ZFAND3: variants seen among roughly 807,000 people sequenced by gnomAD.
ZFAND3 encodes zinc finger AN1-type containing 3.
Under a neutral mutation model 29.6 loss-of-function variants are expected in ZFAND3, and 10 were observed. The ratio of observed to expected loss-of-function variants is 0.34; its 90% CI spans 0.21 to 0.57. The LOEUF (loss-of-function observed/expected upper bound fraction) is 0.57. ZFAND3 is among the 20% of genes least tolerant of loss of function. The pLI, the probability that ZFAND3 is intolerant of heterozygous loss-of-function variation, is 0.86. For missense variants in ZFAND3, 230 were observed against 304.5 expected (o/e 0.76, Z 1.82); for synonymous variants, 128 against 112.6 (o/e 1.14, Z -0.87).
At chr6:38,005,537 A>G (rs948988000) in intron 2 of ZFAND3, among the ~76,000 whole-genome samples, 10 of 152,200 alleles carry the variant, frequency 6.6e-5, no homozygotes, top group African/African-American at 2.4e-4. Flanking sequence ...AGTAGGATTG[A>G]CAAGCCTTTA....
chr6:38,021,880 A>T (rs1184731004), intron 2 of ZFAND3, among the ~76,000 whole-genome samples: 1 of 152,220 alleles, frequency 6.6e-6, no homozygotes, highest in Non-Finnish European at 1.5e-5. Flanking sequence ...GTGTGAAAAT[A>T]GTGCCCTGAC....
intron 1 of ZFAND3, among the ~76,000 whole-genome samples, chr6:37,845,558 A>G (rs1392033899): frequency 6.6e-6 from 1 of 152,188 alleles, no homozygotes; most frequent in Non-Finnish European, 1.5e-5. Flanking sequence ...ATCTTCCAAG[A>G]ACTAACTTGT....
At chr6:38,114,024 G>C (rs1305101724) in intron 4 of ZFAND3, among the ~76,000 whole-genome samples, 2 of 152,228 alleles carry the variant, frequency 1.3e-5, no homozygotes, top group Admixed American at 1.3e-4. Flanking sequence ...TGCTGGCATT[G>C]TGCCAAGGCC....
At chr6:38,079,242 T>A (rs1313534585) in intron 3 of ZFAND3, among the ~76,000 whole-genome samples, 1 of 152,184 alleles carries the variant, frequency 6.6e-6, no homozygotes, top group Non-Finnish European at 1.5e-5. Context: ...TTATCAAAGC[T>A]GGGATATATT....
chr6:38,087,465 A>G (rs1764778781), intron 4 of ZFAND3, among the ~76,000 whole-genome samples: 1 of 152,190 alleles, frequency 6.6e-6, no homozygotes, highest in Non-Finnish European at 1.5e-5. Flanking sequence ...TAACCAGAAT[A>G]TTTAAGGAGC....
chr6:38,050,061 T>C (rs2127459720), intron 2 of ZFAND3, among the ~76,000 whole-genome samples: 1 of 149,360 alleles, frequency 6.7e-6, no homozygotes, highest in East Asian at 2.0e-4. Flanking sequence ...TTCAAGCAAT[T>C]ATCATGCGTC....
Position 37,875,649 on chromosome 6 carries a change from T to A in ZFAND3, c.72-54310T>A, listed in dbSNP as rs201483557. 3.2e-3 allele frequency among the ~76,000 whole-genome samples: 472 copies of A among 145,336 alleles called. 5 individuals are homozygous for A. Among genetic ancestry groups the A allele is most frequent in the African/African-American group, 0.01 (400 of 38,126 alleles). ...TAATTTCTGTATTTTTTTTTTTTTTTAAATAGAGATGAAGTCTCATTGTGT... is the reference window on the plus strand; with the variant it reads ...TAATTTCTGTATTTTTTTTTTTTTTAAAATAGAGATGAAGTCTCATTGTGT... On this transcript the variant is annotated intron_variant, in intron 1 of 5. Coordinates refer to ENST00000287218, the MANE Select transcript of ZFAND3 (RefSeq NM_021943.3).
intron 2 of ZFAND3, among the ~76,000 whole-genome samples, chr6:37,996,963 C>A (rs1762859518): frequency 6.6e-6 from 1 of 152,144 alleles, no homozygotes; most frequent in African/African-American, 2.4e-5. Flanking sequence ...TTCTGCATAG[C>A]ATATTTTTCT....
chr6:37,828,170 G>A (rs12661378), intron 1 of ZFAND3, among the ~76,000 whole-genome samples: 33,216 of 152,170 alleles, frequency 0.22, 4,521 homozygotes, highest in African/African-American at 0.38. Flanking sequence ...CATTCTGACC[G>A]TTCAAGAATA....
At chr6:37,994,462 T>C (rs956027501) in intron 2 of ZFAND3, among the ~76,000 whole-genome samples, 1 of 152,188 alleles carries the variant, frequency 6.6e-6, no homozygotes, top group African/African-American at 2.4e-5. Flanking sequence ...AGACATTACT[T>C]TTCTCTCAGA....
intron 1 of ZFAND3, among the ~76,000 whole-genome samples, chr6:37,847,480 A>G (rs537440705): frequency 2.6e-4 from 39 of 152,292 alleles, no homozygotes; most frequent in Admixed American, 1.8e-3. Flanking sequence ...AGGCTGAGAC[A>G]TGAGAATCGC....
At chr6:37,908,755 AAAAAAG>A (rs1272375076) in intron 1 of ZFAND3, among the ~76,000 whole-genome samples, 5 of 150,738 alleles carry the variant, frequency 3.3e-5, no homozygotes, top group African/African-American at 9.7e-5. Context: ...AAAAAAAAAA[AAAAAAG>A]AAAAGTTTGA....
chr6:38,118,704 C>T (rs1185568827), intron 5 of ZFAND3, among the ~76,000 whole-genome samples: 3 of 149,160 alleles, frequency 2.0e-5, no homozygotes, highest in African/African-American at 7.4e-5. Flanking sequence ...CTAGTTTACC[C>T]TTCAGCTTTG....
chr6:37,942,669 A>G (rs982223404), intron 2 of ZFAND3, among the ~76,000 whole-genome samples: 4 of 152,186 alleles, frequency 2.6e-5, no homozygotes, highest in African/African-American at 4.8e-5. Flanking sequence ...TGAGCCATCA[A>G]TGACTTAAGG....
At chr6:37,898,793 A>G (rs1244722910) in intron 1 of ZFAND3, among the ~76,000 whole-genome samples, 3 of 152,232 alleles carry the variant, frequency 2.0e-5, no homozygotes, top group Non-Finnish European at 4.4e-5. Context: ...GACCTTATTC[A>G]GTGACCTTGC....
At chr6:38,067,479 C>T (rs1021545945) in intron 3 of ZFAND3, among the ~76,000 whole-genome samples, 3 of 152,360 alleles carry the variant, frequency 2.0e-5, no homozygotes, top group South Asian at 2.1e-4. Context: ...CTGCCATTCT[C>T]TATCATGATT....
Position 38,010,290 on chromosome 6 carries a change from G to T in ZFAND3, c.113-51303G>T, listed in dbSNP as rs80306262. Among the ~76,000 whole-genome samples the T allele has an allele frequency of 0.014, 2,162 of 152,238 alleles. 252 individuals carry two copies. In the East Asian group the frequency reaches 0.28, roughly 20 times the overall value. On this transcript the variant is annotated intron_variant, in intron 2 of 5. Coordinates refer to ENST00000287218, the MANE Select transcript of ZFAND3 (RefSeq NM_021943.3). ...GGAAGAGTACGCAGAAAAAAAACAG[G>T]TGTGCATGGGGAGAAGGTGTGAACC...
At position 38,139,669 on chromosome 6, in the gene ZFAND3, G is replaced by A. The variant is rs187563556; in HGVS notation, c.530-12566G>A. On this transcript the variant is annotated intron_variant, in intron 5 of 5. Transcript: ENST00000287218. ...ATTTTTATTGTAATCAGTGGAGCAC[G>A]GTAATCACAGACAGGGCTGGATCTC... Among the ~76,000 whole-genome samples the A allele has an allele frequency of 9.9e-5, 15 of 152,276 alleles. No individual in the cohort carries two copies. In the East Asian group the frequency reaches 2.5e-3, roughly 25 times the overall value.
At chr6:37,865,840 G>A (rs536366069) in intron 1 of ZFAND3, among the ~76,000 whole-genome samples, 4 of 152,108 alleles carry the variant, frequency 2.6e-5, no homozygotes, top group Non-Finnish European at 4.4e-5. Flanking sequence ...CAAGTCGAAC[G>A]GTAGGTGCAA....
Sources: allele counts gnomAD v4.1 joint callset (sites outside exome capture counted in the v4.1 genomes callset), GRCh38; gene constraint gnomAD v4.1.1; transcripts MANE v1.5; gene names NCBI Gene and HGNC (gene_info 2026-07-23, HGNC 2026-07-21).